RPTOR: variants seen among roughly 807,000 people sequenced by gnomAD.
RPTOR encodes the protein regulatory associated protein of MTOR complex 1.
Under a neutral mutation model 169.9 loss-of-function variants are expected in RPTOR, and 21 were observed. The ratio of observed to expected loss-of-function variants is 0.12; its 90% confidence interval spans 0.09 to 0.18. The LOEUF (loss-of-function observed/expected upper bound fraction) is 0.18. Ranked by LOEUF, RPTOR falls within the 10% of genes least tolerant of loss-of-function variation. The pLI is 1.00. For missense variants in RPTOR, 1,133 were observed against 1,855.9 expected (o/e 0.61, Z 7.16); for synonymous variants, 732 against 753.2 (o/e 0.97, Z 0.46).
At position 80,707,733 on chromosome 17, in the gene RPTOR, C is replaced by A; in HGVS notation, c.349-108C>A. On this transcript the variant is annotated intron_variant, in intron 3 of 33. Transcript: ENST00000306801. The surrounding 1 kb of genome is among the most constrained non-coding windows in gnomAD (Gnocchi z 5.0). ...ATGGAGAAACTCAGAGCCATGTGTC[C>A]AGGACCACACAGCTATTAACTGCAA... 9.4e-7 allele frequency: 1 copy of A among 1,064,086 alleles called. No individual in the cohort carries two copies. The highest frequency in any genetic ancestry group is 2.6e-5 in the Admixed American group (1 of 39,164). 65.9% of individuals were successfully genotyped at this position (1,064,086 alleles called of 1,614,324 possible).
rs17848706 is a variant in RPTOR at position 80,730,818 on chromosome 17, G to T, written c.654+112G>T. The T allele has an allele frequency of 0.22, 234,067 of 1,067,110 alleles. 34,260 individuals carry two copies. The highest frequency in any genetic ancestry group is 0.49 in the Admixed American group (25,992 of 52,926). 66.1% of individuals were successfully genotyped at this position (1,067,110 alleles called of 1,614,324 possible). A position where few individuals can be genotyped will look rare whatever the true frequency, so the allele number is the denominator to read the frequency against. On this transcript the variant is annotated intron_variant, in intron 5 of 33. Coordinates refer to ENST00000306801, the MANE Select transcript of RPTOR (RefSeq NM_020761.3). The surrounding 1 kb of genome is among the most constrained non-coding windows in gnomAD (Gnocchi z 4.2). ...TTGGACATCCTCTGAATGGAGCAGG[G>T]CTCAGAATGCCAAGGGCAGGATGGC...
At chr17:80,799,573 C>T (rs1017297135) in intron 7 of RPTOR, among the ~76,000 whole-genome samples, 2 of 152,198 alleles carry the variant, frequency 1.3e-5, no homozygotes, top group African/African-American at 4.8e-5. Flanking sequence ...GACGTTGGTT[C>T]CTGGGTCCCA....
intron 28 of RPTOR, among the ~76,000 whole-genome samples, chr17:80,950,091 A>G (rs533101840): frequency 6.6e-6 from 1 of 152,308 alleles, no homozygotes; most frequent in East Asian, 1.9e-4. Flanking sequence ...GCAGGCCCAC[A>G]GGTCCTTCTG....
chr17:80,588,347 G>C (rs185047815), intron 1 of RPTOR, among the ~76,000 whole-genome samples: 1 of 152,188 alleles, frequency 6.6e-6, no homozygotes, highest in Admixed American at 6.5e-5. Flanking sequence ...ATTTTTAGTA[G>C]AGATGGGGTT....
chr17:80,828,616 C>T (rs561023899), intron 9 of RPTOR, among the ~76,000 whole-genome samples: 4 of 152,368 alleles, frequency 2.6e-5, no homozygotes, highest in African/African-American at 4.8e-5. Context: ...GCCTGCCCAC[C>T]GTGCTCACCC....
intron 2 of RPTOR, among the ~76,000 whole-genome samples, chr17:80,642,610 G>A (rs1471957769): frequency 2.0e-5 from 3 of 152,130 alleles, no homozygotes; most frequent in African/African-American, 2.4e-5. Flanking sequence ...TCCACTCAAG[G>A]TGCAGCAAAC....
At chr17:80,773,971 A>G (rs945743702) in intron 6 of RPTOR, 2 of 985,280 alleles carry the variant, frequency 2.0e-6, no homozygotes, top group African/African-American at 3.5e-5. Context: ...AATCCTGACA[A>G]AGGCCCTCTT....
chr17:80,685,264 G>A (rs1161992990), intron 3 of RPTOR, among the ~76,000 whole-genome samples: 1 of 150,786 alleles, frequency 6.6e-6, no homozygotes, highest in Non-Finnish European at 1.5e-5. Context: ...TCTCGGTGTA[G>A]TTTTAATTTG....
chr17:80,753,941 G>T, intron 5 of RPTOR, 69 bp from the exon 6 acceptor site: 4 of 1,356,134 alleles, frequency 2.9e-6, no homozygotes, highest in Non-Finnish European at 4.2e-6. Flanking sequence ...TGTTACAGCT[G>T]CAGCTTACTA....
intron 12 of RPTOR, 101 bp from the exon 13 acceptor site, chr17:80,857,689 T>C: frequency 1.4e-6 from 1 of 712,006 alleles, no homozygotes; most frequent in African/African-American, 1.7e-5. Flanking sequence ...GTTTCCCATA[T>C]GTGCTGAAGA....
At chr17:80,922,953 C>G (rs752653003) in intron 22 of RPTOR, 126 bp downstream of exon 22, 140 of 767,474 alleles carry the variant, frequency 1.8e-4, no homozygotes, top group Admixed American at 3.5e-4. Context: ...TCTCCTCCCC[C>G]CTCTCCAGCG....
chr17:80,610,051 T>C (rs1296339173), intron 1 of RPTOR, among the ~76,000 whole-genome samples: 2 of 152,150 alleles, frequency 1.3e-5, no homozygotes, highest in African/African-American at 4.8e-5. Context: ...GGTTTTCTCA[T>C]TTTCGACTTC....
chr17:80,610,186 TCTC>T (rs1324532018), intron 1 of RPTOR, among the ~76,000 whole-genome samples: 1 of 152,054 alleles, frequency 6.6e-6, no homozygotes, highest in Non-Finnish European at 1.5e-5. Flanking sequence ...TCTTCCTCCT[TCTC>T]CTTCTCCTTC....
Position 80,633,556 on chromosome 17 carries a change from G to A in RPTOR, c.265+7763G>A, listed in dbSNP as rs1307482519. 6.6e-6 allele frequency among the ~76,000 whole-genome samples: 1 copy of A among 152,236 alleles called. No homozygotes were observed. Among genetic ancestry groups the A allele is most frequent in the Non-Finnish European group, 1.5e-5 (1 of 68,042 alleles). The stretch of plus-strand genomic sequence containing the variant: ...GCTGGCAGGAGCATCACGCAGAGCT[G>A]CCTGCTTCACGCGGGCTGCACCAGG... On this transcript the variant is annotated intron_variant, in intron 2 of 33. Transcript: ENST00000306801. The surrounding 1 kb of genome is among the most constrained non-coding windows in gnomAD (Gnocchi z 4.1).
At position 80,844,817 on chromosome 17, in the gene RPTOR, G is replaced by A. The variant is rs2067708799; in HGVS notation, c.1213-1656G>A. Among the ~76,000 whole-genome samples the A allele has an allele frequency of 2.0e-5, 3 of 152,164 alleles. No individual in the cohort carries two copies. The highest frequency in any genetic ancestry group is 2.1e-4 in the South Asian group (1 of 4,820). On this transcript the variant is annotated intron_variant, in intron 10 of 33. Transcript: ENST00000306801. This position sits in a 1 kb window ranked among gnomAD's most constrained non-coding sequence, Gnocchi z 4.7. ...CATGTGTCCACATTCACTGGAACCC[G>A]GGGCACAGCCGACCCCGGCCAGATG...
intron 5 of RPTOR, among the ~76,000 whole-genome samples, chr17:80,751,195 C>T (rs78165415): frequency 0.016 from 2,502 of 152,234 alleles, 77 homozygotes; most frequent in African/African-American, 0.058. Flanking sequence ...TATTTCATTC[C>T]GAAAGCACTG....
At position 80,638,223 on chromosome 17, in the gene RPTOR, A is replaced by G. The variant is rs8072965; in HGVS notation, c.266-5505A>G. ...AGCTGAAGGAAGAGCATGAGCCCAC[A>G]CTCTGAGGTCCGAGGGGCTGGGTTT... On this transcript the variant is annotated intron_variant, in intron 2 of 33. Transcript: ENST00000306801. 2.2e-3 allele frequency among the ~76,000 whole-genome samples: 341 copies of G among 151,952 alleles called. 2 individuals carry two copies. Among genetic ancestry groups the G allele is most frequent in the African/African-American group, 8.0e-3 (330 of 41,404 alleles).
chr17:80,833,537 C>A (rs1010994949), intron 9 of RPTOR, among the ~76,000 whole-genome samples: 1 of 152,224 alleles, frequency 6.6e-6, no homozygotes, highest in African/African-American at 2.4e-5. Context: ...ACCACCATGG[C>A]CTCTCGTGTG....
chr17:80,688,540 C>G (rs2065966229), intron 3 of RPTOR, among the ~76,000 whole-genome samples: 1 of 150,398 alleles, frequency 6.6e-6, no homozygotes, highest in Non-Finnish European at 1.5e-5. Flanking sequence ...CCAAACATCA[C>G]AGCCTCACAG....
Sources: allele counts gnomAD v4.1 joint callset (sites outside exome capture counted in the v4.1 genomes callset), GRCh38; gene constraint gnomAD v4.1.1; non-coding constraint Gnocchi (gnomAD v3.1); transcripts MANE v1.5; gene names NCBI Gene and HGNC (gene_info 2026-07-23, HGNC 2026-07-21).